CNTNAP4: variants seen among roughly 807,000 people sequenced by gnomAD.
CNTNAP4 encodes contactin associated protein family member 4.
CNTNAP4 carries 98 observed loss-of-function variants against 148.4 expected under a neutral mutation model. That is an observed-to-expected ratio of 0.66 (90% confidence interval 0.56 to 0.78). The LOEUF is 0.78. Among genes scored for constraint, CNTNAP4 ranks in the 30% least tolerant of loss-of-function variants. The pLI is 0.00. For missense variants in CNTNAP4, 1,935 were observed against 1,565.6 expected (o/e 1.24, Z -3.98); for synonymous variants, 730 against 565.1 (o/e 1.29, Z -4.14).
chr16:76,464,354 C>T (rs1168410850), intron 9 of CNTNAP4, among the ~76,000 whole-genome samples: 1 of 152,150 alleles, frequency 6.6e-6, no homozygotes, highest in Non-Finnish European at 1.5e-5. Context: ...CCACAGGGAC[C>T]TGGCTGGTAC....
rs1202077371 is a variant in CNTNAP4 at position 76,558,530 on chromosome 16, T to C, written c.3774T>C (p.Thr1258=). Residue 1258 remains threonine (T), a synonymous_variant, in exon 24 of 24, where the codon ACT becomes ACC. Transcript: ENST00000611870. ...TGATTTTTATCTTGCTTTGCATCAC[T>C]GCCATAGCTGTTCGCATTTATCAGC... is the stretch of plus-strand genomic sequence containing the variant. ...AVVIFILLCI[T]AIAVRIYQQK... is the part of the protein sequence containing the mutation. 1 of 1,611,164 alleles carries C rather than the reference T, an allele frequency of 6.2e-7. No homozygotes were observed. Among genetic ancestry groups the C allele is most frequent in the African/African-American group, 1.3e-5 (1 of 74,848 alleles).
intron 1 of CNTNAP4, among the ~76,000 whole-genome samples, chr16:76,289,961 C>T (rs1242548028): frequency 6.6e-6 from 1 of 152,136 alleles, no homozygotes; most frequent in Non-Finnish European, 1.5e-5. Context: ...ACGTTTCATC[C>T]TCCTCATGGT....
chr16:76,322,879 C>T (rs1298817481), intron 2 of CNTNAP4, among the ~76,000 whole-genome samples: 13 of 150,722 alleles, frequency 8.6e-5, no homozygotes, highest in African/African-American at 2.7e-4. Flanking sequence ...TTGTCACCTA[C>T]GCTACAGTGC....
At position 76,539,330 on chromosome 16, in the gene CNTNAP4, G is replaced by A. The variant is rs527628595; in HGVS notation, c.3221-389G>A. ...GTGTTTAATAATTTCATTAATTGTTGTATTTCCAGAGTGTGAGATATATTT... is the reference window on the plus strand; with the variant it reads ...GTGTTTAATAATTTCATTAATTGTTATATTTCCAGAGTGTGAGATATATTT... On this transcript the variant is annotated intron_variant, in intron 19 of 23. Coordinates refer to ENST00000611870, the MANE Select transcript of CNTNAP4 (RefSeq NM_033401.5). Among the ~76,000 whole-genome samples the A allele has an allele frequency of 4.0e-4, 61 of 151,960 alleles. No individual in the cohort carries two copies. In the Middle Eastern group the frequency reaches 0.01, roughly 25 times the overall value.
intron 2 of CNTNAP4, among the ~76,000 whole-genome samples, chr16:76,342,871 C>A (rs543673483): frequency 6.6e-6 from 1 of 152,140 alleles, no homozygotes; most frequent in Non-Finnish European, 1.5e-5. Context: ...ACAACTGCAA[C>A]GTAATTCATG....
intron 17 of CNTNAP4, among the ~76,000 whole-genome samples, chr16:76,526,682 A>G (rs1480550124): frequency 1.3e-5 from 2 of 151,700 alleles, no homozygotes; most frequent in East Asian, 3.9e-4. Flanking sequence ...GTTTTTGTTT[A>G]TTTATTTTTG....
intron 3 of CNTNAP4, among the ~76,000 whole-genome samples, chr16:76,400,287 C>A (rs147203124): frequency 6.6e-6 from 1 of 152,286 alleles, no homozygotes; most frequent in East Asian, 1.9e-4. Flanking sequence ...ACATATCCAT[C>A]ACCTCACATA....
chr16:76,433,890 A>C (rs900328567), intron 4 of CNTNAP4, among the ~76,000 whole-genome samples: 3 of 152,072 alleles, frequency 2.0e-5, no homozygotes, highest in Non-Finnish European at 4.4e-5. Context: ...GTTTGAAAAG[A>C]AGATAGACTC....
intron 3 of CNTNAP4, among the ~76,000 whole-genome samples, chr16:76,409,687 A>T (rs961922067): frequency 5.9e-5 from 9 of 152,146 alleles, no homozygotes; most frequent in Admixed American, 4.6e-4. Context: ...TGAGGTTAAA[A>T]ATATTGTCTA....
chr16:76,500,177 G>A (rs942578270), intron 15 of CNTNAP4, among the ~76,000 whole-genome samples: 1 of 152,094 alleles, frequency 6.6e-6, no homozygotes, highest in Non-Finnish European at 1.5e-5. Context: ...GTGGCAGCTG[G>A]GCGGGGGCTG....
chr16:76,331,933 C>T (rs1301965675), intron 2 of CNTNAP4, among the ~76,000 whole-genome samples: 5 of 152,088 alleles, frequency 3.3e-5, no homozygotes, highest in African/African-American at 7.2e-5. Flanking sequence ...TTTGCTTATT[C>T]GGGAATGTCA....
chr16:76,323,405 T>G (rs1962635248), intron 2 of CNTNAP4, among the ~76,000 whole-genome samples: 1 of 152,210 alleles, frequency 6.6e-6, no homozygotes, highest in African/African-American at 2.4e-5. Context: ...CCAGATTAAT[T>G]TTATGATCAG....
At chr16:76,530,833 T>G (rs1465082832) in intron 17 of CNTNAP4, among the ~76,000 whole-genome samples, 1 of 152,218 alleles carries the variant, frequency 6.6e-6, no homozygotes, top group Non-Finnish European at 1.5e-5. Context: ...CTACCTTCTA[T>G]GTTAACCAAC....
intron 3 of CNTNAP4, among the ~76,000 whole-genome samples, chr16:76,371,229 C>G (rs1449934685): frequency 6.6e-6 from 1 of 152,170 alleles, no homozygotes; most frequent in Non-Finnish European, 1.5e-5. Context: ...CTCCAGAGTT[C>G]ACTGAGGAGG....
intron 3 of CNTNAP4, among the ~76,000 whole-genome samples, chr16:76,413,954 C>G (rs1170182757): frequency 6.6e-6 from 1 of 151,114 alleles, no homozygotes; most frequent in Non-Finnish European, 1.5e-5. Flanking sequence ...TAAACTAATT[C>G]TATAGATTTT....
chr16:76,510,504 C>T (rs567894321), intron 15 of CNTNAP4, among the ~76,000 whole-genome samples: 3 of 150,568 alleles, frequency 2.0e-5, no homozygotes, highest in African/African-American at 4.8e-5. Flanking sequence ...TATTTCTCTT[C>T]GGTATGTACC....
intron 3 of CNTNAP4, among the ~76,000 whole-genome samples, chr16:76,360,915 C>G (rs1053734243): frequency 6.1e-5 from 9 of 147,650 alleles, no homozygotes; most frequent in Non-Finnish European, 1.0e-4. Context: ...CTCCTGGGTT[C>G]ACACCATTCT....
chr16:76,483,985 A>C (rs952535693), intron 12 of CNTNAP4, among the ~76,000 whole-genome samples: 1 of 152,124 alleles, frequency 6.6e-6, no homozygotes, highest in African/African-American at 2.4e-5. Flanking sequence ...TATTAACTAA[A>C]TGATAATGAA....
chr16:76,545,970 G>A (rs1370778181), intron 21 of CNTNAP4, among the ~76,000 whole-genome samples: 1 of 151,980 alleles, frequency 6.6e-6, no homozygotes, highest in Non-Finnish European at 1.5e-5. Flanking sequence ...GAGAGGCGGA[G>A]GTTGCGGTGA....
Sources: allele counts gnomAD v4.1 joint callset (sites outside exome capture counted in the v4.1 genomes callset), GRCh38; gene constraint gnomAD v4.1.1; transcripts MANE v1.5; gene names NCBI Gene and HGNC (gene_info 2026-07-23, HGNC 2026-07-21).